The following RFX1 variants were observed in gnomAD, a reference collection of about 807,000 sequenced individuals.
RFX1 encodes regulatory factor X1, also known as MHC class II regulatory factor RFX1.
RFX1 carries 42 observed loss-of-function variants against 119.6 expected under a neutral mutation model. The ratio of observed to expected loss-of-function variants is 0.35; its 90% confidence interval spans 0.27 to 0.45. RFX1 has a LOEUF of 0.45. RFX1 is among the 20% of genes least tolerant of loss of function. The probability of loss-of-function intolerance (pLI) is 1.00; values close to 1 mark genes in which losing one functional copy is unlikely to be tolerated. For missense variants in RFX1, 1,118 were observed against 1,368.1 expected (o/e 0.82, Z 2.88); for synonymous variants, 628 against 618.5 (o/e 1.02, Z -0.23).
At chr19:13,993,326 C>T (rs1489619144) in intron 2 of RFX1, among the ~76,000 whole-genome samples, 199 bp downstream of exon 2, 2 of 152,124 alleles carry the variant, frequency 1.3e-5, no homozygotes, top group African/African-American at 4.8e-5. Flanking sequence ...AAAAGAAGCT[C>T]TAAGAGCTGC....
chr19:14,004,684 C>G (rs1333516530), intron 1 of RFX1, among the ~76,000 whole-genome samples: 1 of 152,154 alleles, frequency 6.6e-6, no homozygotes, highest in Admixed American at 6.6e-5. Context: ...CCCCACCAGA[C>G]CAATCTCAAA....
In RFX1 at chr19:13,980,301, G is replaced by T. The variant is rs370738680; in HGVS notation, c.738+272C>A. Among the ~76,000 whole-genome samples, 13 of 152,300 alleles carry T rather than the reference G, an allele frequency of 8.5e-5. No homozygotes were observed. Among genetic ancestry groups the T allele is most frequent in the African/African-American group, 3.1e-4 (13 of 41,560 alleles). On this transcript the variant is annotated intron_variant, in intron 6 of 20. Transcript: ENST00000254325. The surrounding 1 kb of genome is among the most constrained non-coding windows in gnomAD (Gnocchi z 5.1). Reference sequence around the variant, plus strand: ...GGCAAATGGGCCCAAAGAGGCTCAGGTGGCTTCTCCAAGCGGTTCCCATGG... The same window carrying T: ...GGCAAATGGGCCCAAAGAGGCTCAGTTGGCTTCTCCAAGCGGTTCCCATGG...
chr19:13,976,713 G>T (rs1408871787), intron 8 of RFX1, among the ~76,000 whole-genome samples: 2 of 152,232 alleles, frequency 1.3e-5, no homozygotes, highest in Admixed American at 1.3e-4. Context: ...ACAGAAAGCG[G>T]GTAGAGGCTG....
At position 13,993,491 on chromosome 19, in the gene RFX1, A is replaced by G. The variant is rs781707813; in HGVS notation, c.319+34T>C. On this transcript the variant is annotated intron_variant, in intron 2 of 20. Transcript: ENST00000254325. ...TCTAGGCTATCTGAACAACTCTGAG[A>G]GGAGTTTTCAGGACACACGAGCGCG... 3.2e-6 allele frequency: 5 copies of G among 1,585,674 alleles called. No homozygotes were observed. In the Admixed American group the frequency reaches 8.6e-5, roughly 27 times the overall value.
At chr19:14,002,314 CAAAA>C (rs753879311) in intron 1 of RFX1, among the ~76,000 whole-genome samples, 2 of 55,692 alleles carry the variant, frequency 3.6e-5, no homozygotes, top group Admixed American at 2.2e-4. Flanking sequence ...GACTCTGTCT[CAAAA>C]AAAAAAAAAA....
rs986044699 is a variant in RFX1, at chr19:13,973,053, G to A, written c.1004C>T (p.Ala335Val). The A allele has an allele frequency of 6.2e-6, 10 of 1,601,752 alleles. No individual in the cohort carries two copies. The Admixed American group carries it at 1.0e-4, about 16-fold the overall frequency. ...QTASTSYYEA[A>V]GTATQVSTPA... The stretch of plus-strand genomic sequence containing the variant: ...GGTGCTGACCTGGGTGGCCGTGCCT[G>A]CGGCCTCGTAGTAGCTGGTGCTTGC... The change falls in exon 9 of 21, where the codon GCA becomes GTA. Residue 335 changes from alanine (A) to valine (V), a missense_variant. This residue lies in a region of RFX1 where 542 missense variants were observed against 602.7 expected (regional missense o/e 0.90). Transcript: ENST00000254325.
rs1312087596 is a variant in RFX1 at position 13,980,729 on chromosome 19, C to T, written c.622-40G>A. ...GACACAGGAGTGCCGCTGGGGTGGG[C>T]TTGCATCCTCTCTGAGGTGGGCTCA... is the stretch of plus-strand genomic sequence containing the variant. On this transcript the variant is annotated intron_variant, in intron 5 of 20. Transcript: ENST00000254325. The surrounding 1 kb of genome is among the most constrained non-coding windows in gnomAD (Gnocchi z 5.1). 2.7e-6 allele frequency: 4 copies of T among 1,467,306 alleles called. No individual in the cohort carries two copies. Among genetic ancestry groups the T allele is most frequent in the Non-Finnish European group, 3.7e-6 (4 of 1,066,832 alleles). 90.9% of individuals were successfully genotyped at this position (1,467,306 alleles called of 1,614,324 possible). A position where few individuals can be genotyped will look rare whatever the true frequency, so the allele number is the denominator to read the frequency against.
intron 1 of RFX1, among the ~76,000 whole-genome samples, chr19:13,999,804 G>T (rs543620459): frequency 6.6e-6 from 1 of 151,942 alleles, no homozygotes; most frequent in Non-Finnish European, 1.5e-5. Flanking sequence ...GCCTCCTGAG[G>T]AGCTGGGATT....
intron 12 of RFX1, among the ~76,000 whole-genome samples, chr19:13,967,060 G>A (rs1442209091): frequency 6.6e-6 from 1 of 152,204 alleles, no homozygotes; most frequent in Non-Finnish European, 1.5e-5. Context: ...GCCGGGGAAT[G>A]GGTAGGCACC....
At position 13,993,549 on chromosome 19, in the gene RFX1, G is replaced by C. The variant is rs775672646; in HGVS notation, c.295C>G (p.Gln99Glu). Reference protein sequence around the residue: ...GAPTPSPAPQQYIVVTVSEGA... With the variant: ...GAPTPSPAPQEYIVVTVSEGA... ...CCAGAGACAGTGACCACGATGTACTGCTGGGGTGCAGGCGAAGGGGTGGGT... is the reference window on the plus strand; with the variant it reads ...CCAGAGACAGTGACCACGATGTACTCCTGGGGTGCAGGCGAAGGGGTGGGT... The change falls in exon 2 of 21, where the codon CAG becomes GAG. Residue 99 changes from glutamine (Q) to glutamate (E), a missense_variant. Physicochemically the swap from Gln to Glu is conservative, Grantham distance 29. This residue lies in a region of RFX1 where 542 missense variants were observed against 602.7 expected (regional missense o/e 0.90). Coordinates refer to ENST00000254325, the MANE Select transcript of RFX1 (RefSeq NM_002918.5). 1 of 1,612,976 alleles carries C rather than the reference G, an allele frequency of 6.2e-7. No individual in the cohort carries two copies. The highest frequency in any genetic ancestry group is 8.5e-7 in the Non-Finnish European group (1 of 1,179,570).
chr19:14,004,366 G>GGCATGATGGCGAGCGCCTGTA (rs1426425121), intron 1 of RFX1, among the ~76,000 whole-genome samples: 1 of 152,166 alleles, frequency 6.6e-6, no homozygotes, highest in Admixed American at 6.5e-5. Context: ...AAATCAGCCG[G>GGCATGATGGCGAGCGCCTGTA]GCATGATGGC....
At chr19:13,963,767 G>T (rs765941889) in intron 17 of RFX1, 21 bp from the exon 18 acceptor site, 3 of 1,524,898 alleles carry the variant, frequency 2.0e-6, no homozygotes, top group East Asian at 2.5e-5. Context: ...GAGGGTGGGC[G>T]GGCGCCCGGG....
rs2145603405 is a variant in RFX1 at position 13,986,814 on chromosome 19, G to A, written c.320-3219C>T. On this transcript the variant is annotated intron_variant, in intron 2 of 20. Transcript: ENST00000254325. This position sits in a 1 kb window ranked among gnomAD's most constrained non-coding sequence, Gnocchi z 4.2. The stretch of plus-strand genomic sequence containing the variant: ...ACTCAAACCTTAAATGAGCTACTTG[G>A]GGGAGCCCAGGGGAGGCCCTAGAGG... 6.6e-6 allele frequency among the ~76,000 whole-genome samples: 1 copy of A among 152,250 alleles called. No homozygotes were observed. The highest frequency in any genetic ancestry group is 2.4e-5 in the African/African-American group (1 of 41,544).
At chr19:13,979,830 G>T (rs1456058375) in intron 6 of RFX1, among the ~76,000 whole-genome samples, 1 of 152,132 alleles carries the variant, frequency 6.6e-6, no homozygotes. Flanking sequence ...AAGGCCTTGG[G>T]TTATCTTTCG....
chr19:13,979,239 G>C (rs897527776), intron 7 of RFX1, among the ~76,000 whole-genome samples: 1 of 152,216 alleles, frequency 6.6e-6, no homozygotes, highest in Non-Finnish European at 1.5e-5. Flanking sequence ...CCAGGGCCAC[G>C]CAAGAAAGAA....
intron 8 of RFX1, among the ~76,000 whole-genome samples, chr19:13,975,105 C>T (rs565867538): frequency 6.6e-6 from 1 of 150,986 alleles, no homozygotes; most frequent in Admixed American, 6.6e-5. Flanking sequence ...CCTGTAACCC[C>T]AGCACTCTGG....
chr19:13,987,197 G>A (rs1362250963), intron 2 of RFX1, among the ~76,000 whole-genome samples: 3 of 152,156 alleles, frequency 2.0e-5, no homozygotes, highest in Admixed American at 2.0e-4. Flanking sequence ...CCCAGGAGTG[G>A]CTGCCAGAGC....
intron 1 of RFX1, among the ~76,000 whole-genome samples, chr19:13,996,717 G>A: frequency 7.3e-6 from 1 of 137,602 alleles, no homozygotes; most frequent in East Asian, 2.1e-4. Context: ...GGGCTCATTT[G>A]CTTTTTTTTT....
Position 13,969,887 on chromosome 19 carries a change from G to A in RFX1, c.1496+107C>T. 8.5e-7 allele frequency: 1 copy of A among 1,180,622 alleles called. No homozygotes were observed. Among genetic ancestry groups the A allele is most frequent in the Non-Finnish European group, 1.2e-6 (1 of 849,714 alleles). The allele number at this position is 1,180,622 out of a possible 1,614,324, so 73.1% of individuals were successfully genotyped here. On this transcript the variant is annotated intron_variant, in intron 10 of 20. Transcript: ENST00000254325. The surrounding 1 kb of genome is among the most constrained non-coding windows in gnomAD (Gnocchi z 4.5). ...CTGTCGAGGAGCCTCGCAGAGGCCG[G>A]CGGGACTGGGCTGGACTGGACTGCC...
Sources: allele counts gnomAD v4.1 joint callset (sites outside exome capture counted in the v4.1 genomes callset), GRCh38; gene constraint gnomAD v4.1.1; regional missense constraint gnomAD v4.1.1; non-coding constraint Gnocchi (gnomAD v3.1); transcripts MANE v1.5; gene names NCBI Gene and HGNC (gene_info 2026-07-23, HGNC 2026-07-21).